ATP8A2: variants seen among roughly 807,000 people sequenced by gnomAD.
The protein encoded by ATP8A2 is ATPase phospholipid transporting 8A2, also known as phospholipid-transporting ATPase IB.
ATP8A2 carries 100 observed loss-of-function variants against 165.6 expected under a neutral mutation model. The ratio of observed to expected loss-of-function variants is 0.60; its 90% CI spans 0.51 to 0.71. ATP8A2 has a LOEUF of 0.71. Ranked by LOEUF, ATP8A2 falls within the 30% of genes least tolerant of loss-of-function variation. ATP8A2 has a pLI of 0.00. For missense variants in ATP8A2, 1,227 were observed against 1,479.5 expected, an observed-to-expected ratio of 0.83 and a Z score of 2.80; for synonymous variants, 543 against 548.8, an observed-to-expected ratio of 0.99 and a Z score of 0.15.
chr13:25,468,007 C>T (rs1346161727), intron 1 of ATP8A2, among the ~76,000 whole-genome samples: 2 of 152,222 alleles, frequency 1.3e-5, no homozygotes, highest in Non-Finnish European at 2.9e-5. Flanking sequence ...AGACGCCTCT[C>T]CTCTGAAGGT....
At chr13:25,457,500 TATTATCTCTAAAAA>T (rs1394791041) in intron 1 of ATP8A2, among the ~76,000 whole-genome samples, 1 of 152,224 alleles carries the variant, frequency 6.6e-6, no homozygotes, top group East Asian at 1.9e-4. Flanking sequence ...GCCCCATTTT[TATTATCTCTAAAAA>T]ATTATCTCTA....
intron 2 of ATP8A2, among the ~76,000 whole-genome samples, chr13:25,521,874 G>C (rs891774835): frequency 2.2e-4 from 33 of 152,166 alleles, no homozygotes; most frequent in Non-Finnish European, 5.9e-5. Context: ...GGTTACTACA[G>C]CTTTGTAGTA....
chr13:25,922,538 A>G (rs1954488632), intron 33 of ATP8A2, among the ~76,000 whole-genome samples: 1 of 152,190 alleles, frequency 6.6e-6, no homozygotes, highest in African/African-American at 2.4e-5. Context: ...GTCAGTGGGC[A>G]GGGAGTTGGT....
At position 25,838,294 on chromosome 13, in the gene ATP8A2, G is replaced by C. The variant is rs549725555; in HGVS notation, c.2877+1009G>C. 2.0e-5 allele frequency among the ~76,000 whole-genome samples: 3 copies of C among 152,230 alleles called. No homozygotes were observed. In the South Asian group the frequency reaches 6.2e-4, roughly 32 times the overall value. On this transcript the variant is annotated intron_variant, in intron 29 of 36. Coordinates refer to ENST00000381655, the MANE Select transcript of ATP8A2 (RefSeq NM_016529.6). ...ACGTCCCTTACAGCTGCTTTTTTCT[G>C]GGGAGGCTCACTAGTTACATCCGAG...
chr13:25,731,155 G>C (rs1421861607), intron 25 of ATP8A2, among the ~76,000 whole-genome samples: 1 of 145,910 alleles, frequency 6.9e-6, no homozygotes, highest in Non-Finnish European at 1.5e-5. Flanking sequence ...ATAAAAGAAA[G>C]AAAGAGAAAG....
intron 24 of ATP8A2, among the ~76,000 whole-genome samples, chr13:25,639,690 T>C (rs1044491088): frequency 1.3e-5 from 2 of 152,114 alleles, no homozygotes; most frequent in Non-Finnish European, 2.9e-5. Flanking sequence ...ATTAGACAGA[T>C]CAATGAGACA....
chr13:25,488,703 C>G (rs2137625133), intron 2 of ATP8A2, among the ~76,000 whole-genome samples: 1 of 152,234 alleles, frequency 6.6e-6, no homozygotes, highest in Admixed American at 6.5e-5. Context: ...ATACCTGTCT[C>G]AAGAAGAAAA....
intron 33 of ATP8A2, among the ~76,000 whole-genome samples, chr13:25,938,479 C>T (rs1182586355): frequency 3.3e-5 from 5 of 152,208 alleles, no homozygotes; most frequent in African/African-American, 1.2e-4. Context: ...AACCCCATTG[C>T]ACATATGTAG....
At chr13:25,480,158 C>T (rs1419226721) in intron 2 of ATP8A2, among the ~76,000 whole-genome samples, 2 of 143,388 alleles carry the variant, frequency 1.4e-5, no homozygotes, top group Admixed American at 1.4e-4. Flanking sequence ...GGCAGCTGGC[C>T]GGGTGGGGGG....
At chr13:25,891,610 C>T (rs1262402339) in intron 33 of ATP8A2, among the ~76,000 whole-genome samples, 1 of 152,174 alleles carries the variant, frequency 6.6e-6, no homozygotes, top group Non-Finnish European at 1.5e-5. Context: ...AGGTGCGAGC[C>T]ACTGTGCCCG....
chr13:25,821,091 C>T (rs951993589), intron 27 of ATP8A2, among the ~76,000 whole-genome samples: 6 of 152,138 alleles, frequency 3.9e-5, no homozygotes, highest in African/African-American at 1.4e-4. Context: ...AAAGCTGCAG[C>T]ACCTGCAACT....
intron 2 of ATP8A2, among the ~76,000 whole-genome samples, chr13:25,521,515 G>C (rs2037671322): frequency 6.6e-6 from 1 of 152,126 alleles, no homozygotes; most frequent in Admixed American, 6.5e-5. Flanking sequence ...TCAGGTCTTA[G>C]ATTTGAGCCT....
intron 25 of ATP8A2, among the ~76,000 whole-genome samples, chr13:25,751,653 C>T (rs1170735735): frequency 2.0e-5 from 3 of 152,004 alleles, no homozygotes; most frequent in African/African-American, 7.2e-5. Context: ...CCAGGCTGGT[C>T]TTGAACTTTT....
chr13:25,891,019 CT>C (rs1489870106), intron 33 of ATP8A2, among the ~76,000 whole-genome samples: 1 of 152,190 alleles, frequency 6.6e-6, no homozygotes, highest in East Asian at 1.9e-4. Flanking sequence ...CTCTGTCAAG[CT>C]GTGGGTGAGG....
At chr13:25,940,682 G>A (rs1208975371) in intron 33 of ATP8A2, among the ~76,000 whole-genome samples, 2 of 152,160 alleles carry the variant, frequency 1.3e-5, no homozygotes, top group African/African-American at 2.4e-5. Flanking sequence ...TTTGCCCACC[G>A]TGTGCTCCTT....
intron 2 of ATP8A2, 132 bp downstream of exon 2, chr13:25,469,253 C>G (rs1187803141): frequency 5.3e-6 from 6 of 1,133,386 alleles, no homozygotes; most frequent in East Asian, 2.6e-5. Flanking sequence ...TCCCCTGCCC[C>G]CTCCCCACCC....
At chr13:25,585,197 G>C (rs562820123) in intron 23 of ATP8A2, among the ~76,000 whole-genome samples, 5 of 152,138 alleles carry the variant, frequency 3.3e-5, no homozygotes, top group Non-Finnish European at 7.4e-5. Flanking sequence ...CACTGTGCTT[G>C]AATTTATGCT....
chr13:25,912,462 T>G (rs1023207796), intron 33 of ATP8A2, among the ~76,000 whole-genome samples: 1 of 152,124 alleles, frequency 6.6e-6, no homozygotes, highest in African/African-American at 2.4e-5. Context: ...TTTTTTTCTT[T>G]GAGATATATT....
At chr13:25,672,804 G>T in intron 24 of ATP8A2, among the ~76,000 whole-genome samples, 1 of 152,266 alleles carries the variant, frequency 6.6e-6, no homozygotes, top group Admixed American at 6.5e-5. Context: ...TCCCTTGCAT[G>T]TGATAGCTAT....
Sources: allele counts gnomAD v4.1 joint callset (sites outside exome capture counted in the v4.1 genomes callset), GRCh38; gene constraint gnomAD v4.1.1; transcripts MANE v1.5; gene names NCBI Gene and HGNC (gene_info 2026-07-23, HGNC 2026-07-21).